The following RBM33 variants were observed in gnomAD, a reference collection of about 807,000 sequenced individuals.
RBM33 encodes RNA-binding protein 33.
Under a neutral mutation model 132.6 loss-of-function variants are expected in RBM33, and 28 were observed. The ratio of observed to expected loss-of-function variants is 0.21; its 90% CI spans 0.16 to 0.29. The LOEUF (loss-of-function observed/expected upper bound fraction) is 0.29. Ranked by LOEUF, RBM33 falls within the 10% of genes least tolerant of loss-of-function variation. The pLI, the probability that RBM33 is intolerant of heterozygous loss-of-function variation, is 1.00. For missense variants in RBM33, 1,291 were observed against 1,518.5 expected (o/e 0.85, Z 2.49); for synonymous variants, 634 against 593.0 (o/e 1.07, Z -1.01).
intron 8 of RBM33, among the ~76,000 whole-genome samples, chr7:155,715,090 C>T (rs1342631293): frequency 2.6e-5 from 4 of 152,198 alleles, no homozygotes; most frequent in Admixed American, 2.6e-4. Flanking sequence ...TAGCATCGCT[C>T]ATCCACACAT....
In RBM33 at chr7:155,766,485, G is replaced by A; in HGVS notation, c.3205G>A (p.Gly1069Ser). Residue 1069 changes from glycine to serine, a missense_variant, in exon 16 of 18, where the codon GGC (glycine) becomes AGC (serine). This residue lies in a region of RBM33 where 841 missense variants were observed against 912.0 expected (regional missense o/e 0.92). Coordinates refer to ENST00000401878, the MANE Select transcript of RBM33 (RefSeq NM_053043.3). The part of the protein sequence containing the change: ...PAKKAIMHGR[G>S]RGVAGPMGRG... ...TCACCAGGCCATCATGCACGGACGA[G>A]GCAGAGGAGTGGCCGGTCCCATGGG... 1 of 1,613,582 alleles carries A rather than the reference G, an allele frequency of 6.2e-7. No individual in the cohort carries two copies.
In RBM33 at chr7:155,780,060, T is replaced by G; in HGVS notation, c.*5019T>G. 6.6e-6 allele frequency: 1 copy of G among 152,360 alleles called. No homozygotes were observed. Among genetic ancestry groups the G allele is most frequent in the South Asian group, 2.1e-4 (1 of 4,830 alleles). The allele number at this position is 152,360 out of a possible 1,614,324, so 9.4% of individuals were successfully genotyped here. On this transcript the variant is annotated 3_prime_UTR_variant, in exon 18 of 18. Transcript: ENST00000401878. ...GTAATGTATTCTGTATTTAATAATTTAATATACTCTAGAAAGTAGACCTCA... is the reference window on the plus strand; with the variant it reads ...GTAATGTATTCTGTATTTAATAATTGAATATACTCTAGAAAGTAGACCTCA...
At chr7:155,751,171 C>T (rs1042751709) in intron 14 of RBM33, among the ~76,000 whole-genome samples, 3 of 152,138 alleles carry the variant, frequency 2.0e-5, no homozygotes, top group African/African-American at 7.2e-5. Flanking sequence ...GTTTTAAGAA[C>T]AGTAGGAGAA....
intron 16 of RBM33, among the ~76,000 whole-genome samples, chr7:155,767,749 C>T (rs1802272611): frequency 6.6e-6 from 1 of 152,144 alleles, no homozygotes; most frequent in South Asian, 2.1e-4. Context: ...AGAGCGGGCT[C>T]CCTAGTGGTG....
chr7:155,679,259 T>C lies in RBM33; in HGVS notation c.248+575T>C, dbSNP rs556983209. On this transcript the variant is annotated intron_variant, in intron 4 of 17. Transcript: ENST00000401878. ...CTGTTCAGTGCAGGTTATGAAGATT[T>C]AGTATGGATATATGCTGCTTTTCTA... is the stretch of plus-strand genomic sequence containing the variant. Among the ~76,000 whole-genome samples, 3 of 152,288 alleles carry C rather than the reference T, an allele frequency of 2.0e-5. No homozygotes were observed. In the South Asian group the frequency reaches 6.2e-4, roughly 32 times the overall value.
At chr7:155,747,189 A>G in intron 14 of RBM33, among the ~76,000 whole-genome samples, 1 of 152,248 alleles carries the variant, frequency 6.6e-6, no homozygotes, top group East Asian at 1.9e-4. Context: ...TGTTGAGAAG[A>G]ATGGTGTTAC....
At chr7:155,772,096 T>A (rs1444792098) in intron 16 of RBM33, among the ~76,000 whole-genome samples, 2 of 152,252 alleles carry the variant, frequency 1.3e-5, no homozygotes. Flanking sequence ...TTATTGTAGT[T>A]CTCACAGTAA....
chr7:155,723,923 A>G (rs774198550), intron 9 of RBM33, among the ~76,000 whole-genome samples: 1 of 152,172 alleles, frequency 6.6e-6, no homozygotes, highest in African/African-American at 2.4e-5. Flanking sequence ...TTTATTGGCT[A>G]AGTAAATCTG....
At chr7:155,731,135 T>C (rs966953863) in intron 9 of RBM33, among the ~76,000 whole-genome samples, 5 of 152,008 alleles carry the variant, frequency 3.3e-5, no homozygotes, top group Admixed American at 3.3e-4. Context: ...CAGAGTGGAG[T>C]GGAGGCCAGT....
intron 11 of RBM33, chr7:155,739,511 G>C (rs1801244568): frequency 3.4e-6 from 2 of 596,394 alleles, no homozygotes; most frequent in Non-Finnish European, 5.8e-6. Context: ...AGAATTACTG[G>C]ATTAAATATA....
At chr7:155,759,580 G>A (rs147074693) in intron 14 of RBM33, among the ~76,000 whole-genome samples, 2,310 of 152,056 alleles carry the variant, frequency 0.015, 55 homozygotes, top group African/African-American at 0.052. Context: ...ACCGCGCCCG[G>A]CTAATTTTTT....
At chr7:155,697,582 TTG>T (rs142018198) in intron 5 of RBM33, among the ~76,000 whole-genome samples, 7 of 150,274 alleles carry the variant, frequency 4.7e-5, no homozygotes, top group Admixed American at 1.3e-4. Flanking sequence ...ATATATAGAT[TTG>T]TGTGTGTGTG....
intron 6 of RBM33, among the ~76,000 whole-genome samples, chr7:155,705,241 G>A (rs1029123304): frequency 1.3e-5 from 2 of 152,112 alleles, no homozygotes; most frequent in African/African-American, 2.4e-5. Context: ...GTGACAGCTT[G>A]TCTCAATTGG....
chr7:155,692,406 T>C (rs974890486), intron 5 of RBM33, among the ~76,000 whole-genome samples: 5 of 152,202 alleles, frequency 3.3e-5, no homozygotes, highest in African/African-American at 1.2e-4. Context: ...GAATATCTTT[T>C]AGAGGATTCT....
At chr7:155,685,546 A>C (rs1237666844) in intron 5 of RBM33, among the ~76,000 whole-genome samples, 1 of 152,188 alleles carries the variant, frequency 6.6e-6, no homozygotes, top group East Asian at 1.9e-4. Flanking sequence ...CTCCCAAGAG[A>C]GGCTCAGAGA....
intron 9 of RBM33, among the ~76,000 whole-genome samples, chr7:155,728,809 C>CA (rs1800868095): frequency 6.6e-6 from 1 of 152,194 alleles, no homozygotes; most frequent in South Asian, 2.1e-4. Flanking sequence ...AAGGAATTCA[C>CA]AGTGTGCTCT....
chr7:155,663,429 C>T (rs1479843015), intron 1 of RBM33, among the ~76,000 whole-genome samples: 2 of 151,896 alleles, frequency 1.3e-5, no homozygotes, highest in Non-Finnish European at 2.9e-5. Flanking sequence ...GGAACAGGCA[C>T]TTACCTTACA....
At chr7:155,724,684 C>T (rs1207331849) in intron 9 of RBM33, among the ~76,000 whole-genome samples, 1 of 152,178 alleles carries the variant, frequency 6.6e-6, no homozygotes, top group East Asian at 1.9e-4. Flanking sequence ...TCTCCTGCCC[C>T]TTGTGGTTAG....
At chr7:155,661,279 C>T (rs1420279444) in intron 1 of RBM33, among the ~76,000 whole-genome samples, 1 of 150,818 alleles carries the variant, frequency 6.6e-6, no homozygotes, top group East Asian at 1.9e-4. Flanking sequence ...GCTGGGATTA[C>T]AGGCATGCAT....
Sources: gnomAD v4.1 joint callset for allele counts (sites outside exome capture counted in the v4.1 genomes callset) on GRCh38, gnomAD v4.1.1 for gene constraint, gnomAD v4.1.1 regional missense constraint, MANE v1.5 for transcripts, NCBI Gene and HGNC (gene_info 2026-07-23, HGNC 2026-07-21) for gene names.